The following FGF14 variants were observed in gnomAD, a reference collection of about 807,000 sequenced individuals.
The protein encoded by FGF14 is fibroblast growth factor homologous factor 4.
FGF14 carries 5 observed loss-of-function variants against 25.5 expected under a neutral mutation model. That is an observed-to-expected ratio of 0.20 (90% CI 0.10 to 0.41). The LOEUF is 0.41. Ranked by LOEUF, FGF14 falls within the 10% of genes least tolerant of loss-of-function variation. FGF14 has a pLI of 1.00. For synonymous variants in FGF14, 138 were observed against 118.3 expected, an observed-to-expected ratio of 1.17 and a Z score of -1.08; for missense variants, 222 against 320.1, an observed-to-expected ratio of 0.69 and a Z score of 2.34.
At chr13:101,905,337 T>C (rs1377388180) in intron 1 of FGF14, among the ~76,000 whole-genome samples, 1 of 152,084 alleles carries the variant, frequency 6.6e-6, no homozygotes, top group Non-Finnish European at 1.5e-5. Context: ...ATAAAGAAAA[T>C]GTGGCACATA....
intron 1 of FGF14, among the ~76,000 whole-genome samples, chr13:102,279,374 AC>A (rs905567743): frequency 6.6e-6 from 1 of 152,170 alleles, no homozygotes; most frequent in Non-Finnish European, 1.5e-5. Flanking sequence ...GGTTATTTCT[AC>A]CTTTTGGCTA....
intron 3 of FGF14, among the ~76,000 whole-genome samples, chr13:101,832,109 G>A (rs79238461): frequency 7.6e-4 from 116 of 152,140 alleles, no homozygotes; most frequent in African/African-American, 2.6e-3. Flanking sequence ...ATGTCTCCTC[G>A]TAAGAAAGGC....
intron 1 of FGF14, among the ~76,000 whole-genome samples, chr13:102,029,016 G>C (rs2041077642): frequency 6.6e-6 from 1 of 151,998 alleles, no homozygotes; most frequent in Non-Finnish European, 1.5e-5. Flanking sequence ...GGAATCCACA[G>C]CTCATCGGTA....
chr13:102,088,004 G>T (rs2044004447), intron 1 of FGF14, among the ~76,000 whole-genome samples: 7 of 152,156 alleles, frequency 4.6e-5, no homozygotes, highest in Admixed American at 2.6e-4. Flanking sequence ...TTTTGAGAAT[G>T]ACTTATGGTG....
intron 1 of FGF14, among the ~76,000 whole-genome samples, chr13:102,308,767 C>T (rs567685646): frequency 6.6e-6 from 1 of 152,014 alleles, no homozygotes; most frequent in African/African-American, 2.4e-5. Flanking sequence ...CCAATCTGCC[C>T]TCACACAAGA....
intron 1 of FGF14, among the ~76,000 whole-genome samples, chr13:102,252,227 C>T (rs2052215740): frequency 6.6e-6 from 1 of 152,178 alleles, no homozygotes; most frequent in South Asian, 2.1e-4. Flanking sequence ...CACTTTTTTA[C>T]ATGGCTGAGG....
intron 1 of FGF14, among the ~76,000 whole-genome samples, chr13:102,335,157 T>C (rs934632960): frequency 6.6e-6 from 1 of 152,178 alleles, no homozygotes; most frequent in Non-Finnish European, 1.5e-5. Flanking sequence ...TTTATATCTC[T>C]GCATTCCAAG....
chr13:102,051,879 C>T (rs2042228667), intron 1 of FGF14, among the ~76,000 whole-genome samples: 1 of 151,974 alleles, frequency 6.6e-6, no homozygotes, highest in African/African-American at 2.4e-5. Context: ...CATAACACCA[C>T]CAAAAGACCA....
intron 1 of FGF14, among the ~76,000 whole-genome samples, chr13:102,322,424 CT>C (rs140433664): frequency 0.077 from 11,745 of 152,120 alleles, 923 homozygotes; most frequent in African/African-American, 0.2. Flanking sequence ...ATCCCTGAGG[CT>C]TTTGGGGATC....
At chr13:102,026,230 G>A (rs61966508) in intron 1 of FGF14, among the ~76,000 whole-genome samples, 4,855 of 151,824 alleles carry the variant, frequency 0.032, 107 homozygotes, top group African/African-American at 0.057. Flanking sequence ...CTATTAATAT[G>A]GTATATTAAA....
At chr13:102,077,933 T>A (rs1198393927) in intron 1 of FGF14, among the ~76,000 whole-genome samples, 1 of 152,168 alleles carries the variant, frequency 6.6e-6, no homozygotes, top group East Asian at 1.9e-4. Context: ...GGTATATATA[T>A]ACAATGGAGT....
chr13:102,379,416 A>T (rs1239108993), intron 1 of FGF14, among the ~76,000 whole-genome samples: 5 of 63,460 alleles, frequency 7.9e-5, no homozygotes, highest in Non-Finnish European at 1.3e-4. Flanking sequence ...ATACACATAC[A>T]CACACACACA....
chr13:101,908,759 C>G (rs1180810840), intron 1 of FGF14, among the ~76,000 whole-genome samples: 1 of 152,070 alleles, frequency 6.6e-6, no homozygotes, highest in Non-Finnish European at 1.5e-5. Flanking sequence ...TCATGTGGAA[C>G]CAAAAAAGAG....
At chr13:102,176,375 C>A (rs931180155) in intron 1 of FGF14, among the ~76,000 whole-genome samples, 1 of 152,028 alleles carries the variant, frequency 6.6e-6, no homozygotes, top group Non-Finnish European at 1.5e-5. Context: ...AATGGGTACA[C>A]ATGAATAGAA....
At chr13:102,000,229 G>C (rs1054555220) in intron 1 of FGF14, among the ~76,000 whole-genome samples, 1 of 152,190 alleles carries the variant, frequency 6.6e-6, no homozygotes, top group African/African-American at 2.4e-5. Context: ...TGAGACAGGA[G>C]AATGGCTTGA....
intron 3 of FGF14, among the ~76,000 whole-genome samples, chr13:101,752,806 G>GC (rs1348564679): frequency 2.0e-5 from 3 of 152,132 alleles, no homozygotes; most frequent in Non-Finnish European, 2.9e-5. Context: ...TCATAGAACA[G>GC]CATCCCAAGT....
At chr13:101,896,843 T>C (rs569210305) in intron 1 of FGF14, among the ~76,000 whole-genome samples, 3 of 152,216 alleles carry the variant, frequency 2.0e-5, no homozygotes, top group African/African-American at 7.2e-5. Flanking sequence ...CATGAGACCA[T>C]AATAGGGGAT....
chr13:101,952,173 G>A (rs2036210047), intron 1 of FGF14, among the ~76,000 whole-genome samples: 1 of 151,972 alleles, frequency 6.6e-6, no homozygotes, highest in Admixed American at 6.5e-5. Context: ...TCATAGATAA[G>A]AATATGAAGG....
In FGF14 at chr13:101,791,400, T is replaced by G. The variant is rs144115927; in HGVS notation, c.409-64590A>C. ...TCCTAACCTTTACATTACATTTTTT[T>G]GTAAGTTTTGAAGTCTCACCTTATT... On this transcript the variant is annotated intron_variant, in intron 3 of 4. Transcript: ENST00000376143. 1.6e-3 allele frequency among the ~76,000 whole-genome samples: 247 copies of G among 152,322 alleles called. 2 individuals carry two copies. Among genetic ancestry groups the G allele is most frequent in the African/African-American group, 5.7e-3 (237 of 41,580 alleles).
Sources: gnomAD v4.1 joint callset for allele counts (sites outside exome capture counted in the v4.1 genomes callset) on GRCh38, gnomAD v4.1.1 for gene constraint, MANE v1.5 for transcripts, NCBI Gene and HGNC (gene_info 2026-07-23, HGNC 2026-07-21) for gene names.